The following SEC16B variants were observed in gnomAD, a reference collection of about 807,000 sequenced individuals.
SEC16B encodes SEC16 homolog B, endoplasmic reticulum export factor.
SEC16B carries 115 observed loss-of-function variants against 141.8 expected under a neutral mutation model. That is an observed-to-expected ratio of 0.81 (90% CI 0.70 to 0.95). The LOEUF (loss-of-function observed/expected upper bound fraction) is 0.95. Among genes scored for constraint, SEC16B ranks in the 40% least tolerant of loss-of-function variants. The probability of loss-of-function intolerance (pLI) is 0.00; values close to 1 mark genes in which losing one functional copy is unlikely to be tolerated. For synonymous variants in SEC16B, 493 were observed against 492.5 expected, an observed-to-expected ratio of 1.00 and a Z score of -0.01; for missense variants, 1,291 against 1,312.3, an observed-to-expected ratio of 0.98 and a Z score of 0.25.
At chr1:177,950,799 A>T (rs1652126835) in intron 12 of SEC16B, among the ~76,000 whole-genome samples, 1 of 151,828 alleles carries the variant, frequency 6.6e-6, no homozygotes, top group African/African-American at 2.4e-5. Context: ...TAAAGACAGA[A>T]ACAAAAGAGC....
Position 177,940,676 on chromosome 1 carries a change from T to C in SEC16B, c.2061A>G (p.Leu687=), listed in dbSNP as rs2101918829. 6.2e-7 allele frequency: 1 copy of C among 1,613,880 alleles called. No individual in the cohort carries two copies. Among genetic ancestry groups the C allele is most frequent in the East Asian group, 2.2e-5 (1 of 44,868 alleles). ...EKLKLSDPLV[L]ERRSGDRDLE... is the part of the protein sequence containing the mutation. Reference sequence around the variant, plus strand: ...GGTCCCTGTCTCCACTGCGTCTTTCTAAAACCAGAGGATCTGACAGCTTCA... The same window carrying C: ...GGTCCCTGTCTCCACTGCGTCTTTCCAAAACCAGAGGATCTGACAGCTTCA... Residue 687 remains leucine (L), a synonymous_variant, in exon 17 of 26, where the codon TTA becomes TTG. Transcript: ENST00000308284.
Position 177,958,249 on chromosome 1 carries a change from C to T in SEC16B, c.1248G>A (p.Trp416Ter). Residue 416 changes from tryptophan (W) to a stop codon, truncating the protein, a stop_gained, in exon 10 of 26, where the codon TGG (tryptophan) becomes TGA (stop). Transcript: ENST00000308284. LOFTEE classifies it high-confidence loss of function. ...TCGGGGTCCCAGAGCTCAGCACTGG[C>T]CAGTCCTCATCGGTCAGGTTGATGA... The part of the protein sequence containing the change: ...ANLINLTDED[W>*]PVLSSGTPNL... The T allele has an allele frequency of 6.2e-7, 1 of 1,610,186 alleles. No homozygotes were observed. Among genetic ancestry groups the T allele is most frequent in the Non-Finnish European group, 8.5e-7 (1 of 1,178,124 alleles).
chr1:177,947,705 TGAG>T, intron 13 of SEC16B, 117 bp downstream of exon 13: 1 of 402,686 alleles, frequency 2.5e-6, no homozygotes, highest in East Asian at 4.3e-5. Flanking sequence ...GGAGGGGAGG[TGAG>T]GAGAGGGAGG....
chr1:177,960,928 C>CTTCATGGGTGCTTTGGGACCAGA lies in SEC16B; in HGVS notation c.798_799insTCTGGTCCCAAAGCACCCATGAA (p.Ala267SerfsTer15). The CTTCATGGGTGCTTTGGGACCAGA allele has an allele frequency of 6.7e-7, 1 of 1,500,160 alleles. No individual in the cohort carries two copies. Among genetic ancestry groups the CTTCATGGGTGCTTTGGGACCAGA allele is most frequent in the Admixed American group, 1.7e-5 (1 of 57,624 alleles). The allele number at this position is 1,500,160 out of a possible 1,614,324, so 92.9% of individuals were successfully genotyped here. A position where few individuals can be genotyped will look rare whatever the true frequency, so the allele number is the denominator to read the frequency against. ...AACTTCATGGGTGCTTTGGGACCAGCTGAGGAGACATCTTCTGACCAACAG... is the reference window on the plus strand; with the variant it reads ...AACTTCATGGGTGCTTTGGGACCAGCTTCATGGGTGCTTTGGGACCAGATGAGGAGACATCTTCTGACCAACAG... On this transcript the variant is annotated frameshift_variant, in exon 7 of 26. Coordinates refer to ENST00000308284, the MANE Select transcript of SEC16B (RefSeq NM_033127.4). LOFTEE classifies it high-confidence loss of function.
Position 177,939,692 on chromosome 1 carries a change from T to C in SEC16B, c.2203+10A>G. The C allele has an allele frequency of 6.3e-7, 1 of 1,577,360 alleles. No individual in the cohort carries two copies. The highest frequency in any genetic ancestry group is 8.6e-7 in the Non-Finnish European group (1 of 1,157,384). ...AGCTATGTATATGCTCAGTTCATCA[T>C]TTTGGGTACCTGTTGTTGTTCCTCC... is the stretch of plus-strand genomic sequence containing the variant. On this transcript the variant is annotated intron_variant, in intron 18 of 25. Transcript: ENST00000308284.
chr1:177,933,162 C>G (rs1462953318), intron 22 of SEC16B, 52 bp downstream of exon 22: 5 of 1,430,362 alleles, frequency 3.5e-6, no homozygotes, highest in Non-Finnish European at 9.6e-7. Flanking sequence ...TGAGGCAGCT[C>G]CCTCTGAAAG....
intron 22 of SEC16B, among the ~76,000 whole-genome samples, 185 bp from the exon 23 acceptor site, chr1:177,932,991 C>T (rs1209385261): frequency 1.3e-5 from 2 of 152,208 alleles, no homozygotes; most frequent in African/African-American, 4.8e-5. Context: ...CTACTGCTGA[C>T]CCTCTAAAGT....
chr1:177,971,077 T>C (rs1350194709), upstream of SEC16B, among the ~76,000 whole-genome samples: 3 of 132,828 alleles, frequency 2.3e-5, no homozygotes, highest in South Asian at 6.9e-4. Flanking sequence ...CTGTAGCTAA[T>C]GGTTTCTTTT....
Position 177,932,759 on chromosome 1 carries a change from T to C in SEC16B, c.2871A>G (p.Ser957=). ...GTGGGGACTCAGGGGAAGGTGTCAG[T>C]GAGAGGCCCAGGCCAGCCTGGTGGG... ...SSPHQAGLGL[S]LTPSPESPPL... is the part of the protein sequence containing the mutation. The change falls in exon 23 of 26, where the codon TCA becomes TCG. Residue 957 remains serine, a synonymous_variant. Transcript: ENST00000308284. 6.2e-7 allele frequency: 1 copy of C among 1,612,358 alleles called. No homozygotes were observed. The highest frequency in any genetic ancestry group is 8.5e-7 in the Non-Finnish European group (1 of 1,179,350).
chr1:177,967,763 T>G lies in SEC16B; in HGVS notation c.219A>C (p.Ala73=). The stretch of plus-strand genomic sequence containing the variant: ...GCTGATGCCAGTCCCCTGGCCTGGA[T>G]GCATAATGGGGCTGCTGCTGATGGT... ...RADHQQQPHY[A]SRPGDWHQPV... is the part of the protein sequence containing the mutation. Residue 73 remains alanine (A), a synonymous_variant, in exon 2 of 26, where the codon GCA becomes GCC. Coordinates refer to ENST00000308284, the MANE Select transcript of SEC16B (RefSeq NM_033127.4). 6.2e-7 allele frequency: 1 copy of G among 1,613,974 alleles called. No individual in the cohort carries two copies. The highest frequency in any genetic ancestry group is 8.5e-7 in the Non-Finnish European group (1 of 1,179,860).
At chr1:177,953,447 A>C (rs1456082545) in intron 11 of SEC16B, among the ~76,000 whole-genome samples, 1 of 152,098 alleles carries the variant, frequency 6.6e-6, no homozygotes, top group Admixed American at 6.5e-5. Context: ...TTGCTGTCTG[A>C]CCCAAGTCTG....
At chr1:177,961,984 C>T (rs1653102457) in intron 5 of SEC16B, among the ~76,000 whole-genome samples, 1 of 152,188 alleles carries the variant, frequency 6.6e-6, no homozygotes, top group African/African-American at 2.4e-5. Context: ...TGCCCCTGGA[C>T]ACGTGACTTA....
chr1:177,952,512 C>G (rs1309043822), intron 11 of SEC16B, among the ~76,000 whole-genome samples: 1 of 152,126 alleles, frequency 6.6e-6, no homozygotes, highest in East Asian at 1.9e-4. Context: ...TTTCAGTAAC[C>G]AAAGAGGCGT....
chr1:177,954,375 T>C lies in SEC16B; in HGVS notation c.1367A>G (p.Glu456Gly). 1 of 1,569,500 alleles carries C rather than the reference T, an allele frequency of 6.4e-7. No individual in the cohort carries two copies. The highest frequency in any genetic ancestry group is 8.6e-7 in the Non-Finnish European group (1 of 1,156,188). The change falls in exon 11 of 26, where the codon GAA (glutamate) becomes GGA (glycine). Residue 456 changes from glutamate to glycine, a missense_variant and splice_region_variant. Physicochemically the swap from Glu to Gly is moderately conservative, Grantham distance 98. Coordinates refer to ENST00000308284, the MANE Select transcript of SEC16B (RefSeq NM_033127.4). Reference sequence around the variant, plus strand: ...GTTCTTCATGGCCCACTCCAAGGCTTCCTGAAAACCAAAACATCACATTCA... The same window carrying C: ...GTTCTTCATGGCCCACTCCAAGGCTCCCTGAAAACCAAAACATCACATTCA... Reference protein sequence around the residue: ...TRLLYYGRKKEALEWAMKNHL... With the variant: ...TRLLYYGRKKGALEWAMKNHL...
intron 2 of SEC16B, among the ~76,000 whole-genome samples, chr1:177,966,428 T>C (rs1653524017): frequency 6.6e-6 from 1 of 152,208 alleles, no homozygotes; most frequent in Non-Finnish European, 1.5e-5. Flanking sequence ...CAGATGGAGT[T>C]GAGATTTAAA....
At chr1:177,973,842 A>G (rs1243275425), upstream of SEC16B, among the ~76,000 whole-genome samples, 1 of 152,174 alleles carries the variant, frequency 6.6e-6, no homozygotes, top group Non-Finnish European at 1.5e-5. Context: ...TCTAATGGAT[A>G]TATCACTGAT....
At chr1:177,955,423 C>G (rs1233801755) in intron 10 of SEC16B, among the ~76,000 whole-genome samples, 3 of 152,208 alleles carry the variant, frequency 2.0e-5, no homozygotes, top group Non-Finnish European at 4.4e-5. Flanking sequence ...TCTCAGCTCA[C>G]TGCAACCTCC....
intron 11 of SEC16B, among the ~76,000 whole-genome samples, chr1:177,953,162 C>T (rs957720197): frequency 2.0e-5 from 3 of 152,038 alleles, no homozygotes; most frequent in Admixed American, 6.5e-5. Flanking sequence ...CCAGCCACCA[C>T]ACCTGGCTAA....
intron 1 of SEC16B, among the ~76,000 whole-genome samples, chr1:177,976,534 G>C (rs777794014): frequency 5.3e-5 from 8 of 152,120 alleles, no homozygotes; most frequent in Non-Finnish European, 8.8e-5. Context: ...GTGAATCCCA[G>C]TCCTACTATG....
Sources: allele counts gnomAD v4.1 joint callset (sites outside exome capture counted in the v4.1 genomes callset), GRCh38; gene constraint gnomAD v4.1.1; transcripts MANE v1.5; gene names NCBI Gene and HGNC (gene_info 2026-07-23, HGNC 2026-07-21).